The following TASP1 variants were observed in gnomAD, a reference collection of about 807,000 sequenced individuals.
The protein encoded by TASP1 is taspase 1.
In TASP1, 16 loss-of-function variants were observed where a neutral mutation model predicts 56.6. The observed-to-expected ratio is 0.28, with a 90% CI of 0.19 to 0.43. TASP1 has a LOEUF of 0.43. Among genes scored for constraint, TASP1 ranks in the 20% least tolerant of loss-of-function variants. The pLI is 1.00. For synonymous variants in TASP1, 179 were observed against 184.2 expected (o/e 0.97, Z 0.23); for missense variants, 393 against 511.6 (o/e 0.77, Z 2.24).
the TASP1 span, among the ~76,000 whole-genome samples, chr20:13,346,857 C>T: frequency 6.6e-6 from 1 of 152,178 alleles, no homozygotes; most frequent in Non-Finnish European, 1.5e-5. Flanking sequence ...CCATTTGAAC[C>T]AATGATTCCA....
At chr20:13,341,028 T>C in the TASP1 span, among the ~76,000 whole-genome samples, 2 of 152,202 alleles carry the variant, frequency 1.3e-5, no homozygotes, top group Non-Finnish European at 2.9e-5. Context: ...TTCAGTGAGT[T>C]CTAGCAAATC....
the TASP1 span, among the ~76,000 whole-genome samples, chr20:13,223,026 G>A: frequency 6.6e-6 from 1 of 152,112 alleles, no homozygotes; most frequent in Non-Finnish European, 1.5e-5. Flanking sequence ...AGCTGGGCGT[G>A]GTGGCGCACG....
At chr20:13,234,175 G>A in the TASP1 span, among the ~76,000 whole-genome samples, 2 of 152,088 alleles carry the variant, frequency 1.3e-5, no homozygotes, top group African/African-American at 2.4e-5. Context: ...GTCCGTGTAT[G>A]CCCATTGTTT....
chr20:13,287,114 T>C, the TASP1 span, among the ~76,000 whole-genome samples: 2 of 152,312 alleles, frequency 1.3e-5, no homozygotes, highest in African/African-American at 2.4e-5. Context: ...CTCAGTTTGA[T>C]AGGTGTATTA....
chr20:13,156,660 A>G, the TASP1 span, among the ~76,000 whole-genome samples: 1 of 152,224 alleles, frequency 6.6e-6, no homozygotes, highest in Non-Finnish European at 1.5e-5. Flanking sequence ...GTTAGCTTTC[A>G]TTATTAATAG....
intron 13 of TASP1, chr20:13,392,732 G>A (rs901871400): frequency 3.5e-6 from 2 of 576,988 alleles, no homozygotes; most frequent in African/African-American, 1.9e-5. Flanking sequence ...CTGGTCACCA[G>A]GGCTGCTTTT....
chr20:13,531,223 A>G (rs1393277505), intron 9 of TASP1, among the ~76,000 whole-genome samples: 1 of 152,148 alleles, frequency 6.6e-6, no homozygotes, highest in Non-Finnish European at 1.5e-5. Context: ...AGAGGTGGAA[A>G]GTGGAGCTGA....
intron 4 of TASP1, among the ~76,000 whole-genome samples, chr20:13,594,313 C>T (rs2047646670): frequency 6.6e-6 from 1 of 152,170 alleles, no homozygotes; most frequent in Admixed American, 6.5e-5. Context: ...AACCAGAGCG[C>T]CTCTTCTCCA....
At chr20:13,334,091 G>T in the TASP1 span, among the ~76,000 whole-genome samples, 1 of 152,192 alleles carries the variant, frequency 6.6e-6, no homozygotes, top group South Asian at 2.1e-4. Context: ...GGGAGGGAGA[G>T]TACATCATGG....
At chr20:13,473,500 C>A (rs899881499) in intron 11 of TASP1, among the ~76,000 whole-genome samples, 3 of 152,080 alleles carry the variant, frequency 2.0e-5, no homozygotes, top group Non-Finnish European at 4.4e-5. Flanking sequence ...AATAATATAT[C>A]TTAAAAAAAC....
intron 10 of TASP1, among the ~76,000 whole-genome samples, chr20:13,500,672 C>T (rs1277992527): frequency 6.6e-6 from 1 of 151,596 alleles, no homozygotes. Flanking sequence ...AGACAGCAAA[C>T]AAAAGGATCA....
the TASP1 span, among the ~76,000 whole-genome samples, chr20:13,358,605 G>A: frequency 1.3e-5 from 2 of 151,916 alleles, no homozygotes; most frequent in Admixed American, 1.3e-4. Flanking sequence ...GAGAGACAAA[G>A]GACACACGTT....
chr20:13,292,582 G>T, the TASP1 span: 7 of 677,612 alleles, frequency 1.0e-5, no homozygotes, highest in Non-Finnish European at 5.2e-6. Flanking sequence ...CTGGGGTCCA[G>T]TGCTCCCAGC....
At chr20:13,300,923 A>G in the TASP1 span, among the ~76,000 whole-genome samples, 1 of 152,364 alleles carries the variant, frequency 6.6e-6, no homozygotes, top group East Asian at 1.9e-4. Flanking sequence ...GACAGCCCAG[A>G]TGAGCAGGGC....
At chr20:13,276,389 G>A in the TASP1 span, among the ~76,000 whole-genome samples, 3 of 151,902 alleles carry the variant, frequency 2.0e-5, no homozygotes, top group African/African-American at 7.2e-5. Flanking sequence ...TCTAGTCAAT[G>A]TATTAATTTT....
At position 13,521,549 on chromosome 20, in the gene TASP1, G is replaced by A. The variant is rs539324131; in HGVS notation, c.874+6884C>T. Among the ~76,000 whole-genome samples, 76 of 149,794 alleles carry A rather than the reference G, an allele frequency of 5.1e-4. No homozygotes were observed. In the South Asian group the frequency reaches 0.013, roughly 26 times the overall value. On this transcript the variant is annotated intron_variant, in intron 10 of 13. Transcript: ENST00000337743. ...TCGCAAGGACAAAAAACCAAACACC[G>A]CATGTTCTCACTCATAGGTGGGAAT...
chr20:13,314,404 G>A, the TASP1 span, among the ~76,000 whole-genome samples: 2 of 151,996 alleles, frequency 1.3e-5, no homozygotes, highest in South Asian at 2.1e-4. Flanking sequence ...ATCTATAAAG[G>A]AGCAAAGATA....
intron 11 of TASP1, among the ~76,000 whole-genome samples, chr20:13,478,224 C>T (rs2043010201): frequency 6.6e-6 from 1 of 151,926 alleles, no homozygotes; most frequent in Non-Finnish European, 1.5e-5. Flanking sequence ...TAATAGGTGT[C>T]CACTCAAGGA....
the TASP1 span, among the ~76,000 whole-genome samples, chr20:13,222,186 G>A: frequency 6.6e-6 from 1 of 152,138 alleles, no homozygotes; most frequent in Non-Finnish European, 1.5e-5. Context: ...TGGGGAGGTG[G>A]GAAGGAGCGA....
Sources: allele counts gnomAD v4.1 joint callset (sites outside exome capture counted in the v4.1 genomes callset), GRCh38; gene constraint gnomAD v4.1.1; transcripts MANE v1.5; gene names NCBI Gene and HGNC (gene_info 2026-07-23, HGNC 2026-07-21).